The following CHST12 variants were observed in gnomAD, a reference collection of about 807,000 sequenced individuals.
The protein encoded by CHST12 is carbohydrate (chondroitin 4) sulfotransferase 12.
Under a neutral mutation model 27.9 loss-of-function variants are expected in CHST12, and 23 were observed. The ratio of observed to expected loss-of-function variants is 0.82; its 90% CI spans 0.59 to 1.17. CHST12 has a LOEUF of 1.17. Ranked by LOEUF, CHST12 falls within the 50% of genes most tolerant of loss-of-function variation. The pLI, the probability that CHST12 is intolerant of heterozygous loss-of-function variation, is 0.00. For synonymous variants in CHST12, 322 were observed against 273.0 expected, an observed-to-expected ratio of 1.18 and a Z score of -1.77; for missense variants, 682 against 603.0, an observed-to-expected ratio of 1.13 and a Z score of -1.37.
At chr7:2,419,583 T>C (rs1781910565) in intron 1 of CHST12, among the ~76,000 whole-genome samples, 1 of 151,622 alleles carries the variant, frequency 6.6e-6, no homozygotes, top group Non-Finnish European at 1.5e-5. Flanking sequence ...GGTGGGAGCC[T>C]GTAATCCCAG....
Position 2,433,400 on chromosome 7 carries a change from C to A in CHST12, c.761C>A (p.Ala254Asp). 1 of 1,609,672 alleles carries A rather than the reference C, an allele frequency of 6.2e-7. No individual in the cohort carries two copies. Among genetic ancestry groups the A allele is most frequent in the Non-Finnish European group, 8.5e-7 (1 of 1,179,920 alleles). The change falls in exon 2 of 2, where the codon GCC becomes GAC. Residue 254 changes from alanine (A) to aspartate (D), a missense_variant. Coordinates refer to ENST00000618655, the MANE Select transcript of CHST12 (RefSeq NM_018641.5). This position sits in a 1 kb window ranked among gnomAD's most constrained non-coding sequence, Gnocchi z 6.1. ...VRDPFVRLIS[A>D]FRSKFELENE... ...GACCCCTTCGTGCGCCTGATCTCCG[C>A]CTTCCGCAGCAAGTTCGAGCTGGAG...
intron 1 of CHST12, among the ~76,000 whole-genome samples, chr7:2,415,705 C>T (rs187057512): frequency 0.039 from 5,989 of 151,910 alleles, 130 homozygotes; most frequent in Middle Eastern, 0.12. Context: ...CTCCGCCTCC[C>T]GGGTTCACGC....
intron 1 of CHST12, among the ~76,000 whole-genome samples, chr7:2,429,617 A>C (rs1403381120): frequency 1.3e-5 from 2 of 152,198 alleles, no homozygotes; most frequent in Non-Finnish European, 2.9e-5. Context: ...GTGGTTGTCA[A>C]GGAATTGGTC....
rs755246928 is a variant in CHST12 at position 2,439,255 on chromosome 7, C to A, written c.*5371C>A. 2 of 152,108 alleles carry A rather than the reference C, an allele frequency of 1.3e-5. No individual in the cohort carries two copies. Among genetic ancestry groups the A allele is most frequent in the African/African-American group, 4.8e-5 (2 of 41,414 alleles). 9.4% of individuals were successfully genotyped at this position (152,108 alleles called of 1,614,324 possible). A position where few individuals can be genotyped will look rare whatever the true frequency, so the allele number is the denominator to read the frequency against. ...TGACCTGAGGATGCAGGGCACTGTT[C>A]ACGTGGACATGAGCCGTTTCTTAGC... On this transcript the variant is annotated 3_prime_UTR_variant, in exon 2 of 2. Coordinates refer to ENST00000618655, the MANE Select transcript of CHST12 (RefSeq NM_018641.5).
At chr7:2,428,992 T>C (rs1044676738) in intron 1 of CHST12, among the ~76,000 whole-genome samples, 6 of 152,196 alleles carry the variant, frequency 3.9e-5, no homozygotes, top group Admixed American at 1.3e-4. Context: ...CGTCCGTTTG[T>C]AGGCTCTCCA....
rs915161275 is a variant in CHST12 at position 2,432,121 on chromosome 7, G to A, written c.-77-442G>A. ...CGGGCCACTGCACTCCAGCCTGGGC[G>A]ACAGAGCGAGACTCCATATCAAAAA... On this transcript the variant is annotated intron_variant, in intron 1 of 1. Coordinates refer to ENST00000618655, the MANE Select transcript of CHST12 (RefSeq NM_018641.5). 8.0e-5 allele frequency among the ~76,000 whole-genome samples: 9 copies of A among 112,758 alleles called. No individual in the cohort carries two copies. In the Middle Eastern group the frequency reaches 0.041, roughly 513 times the overall value. 74.0% of individuals were successfully genotyped at this position (112,758 alleles called of 152,430 possible).
intron 1 of CHST12, among the ~76,000 whole-genome samples, chr7:2,420,321 C>T (rs1340048161): frequency 6.6e-6 from 1 of 152,126 alleles, no homozygotes; most frequent in East Asian, 1.9e-4. Context: ...ATAATGTCTT[C>T]AGGGTTCATC....
rs1055822029 is a variant in CHST12 at position 2,434,285 on chromosome 7, C to T, written c.*401C>T. On this transcript the variant is annotated 3_prime_UTR_variant, in exon 2 of 2. Coordinates refer to ENST00000618655, the MANE Select transcript of CHST12 (RefSeq NM_018641.5). ...CACCTGTCTGTTTTTGGAAGGGTAG[C>T]CGACAAATCCTTCCAGAGGGAAAGT... 1.1e-5 allele frequency: 2 copies of T among 177,386 alleles called. No individual in the cohort carries two copies. The highest frequency in any genetic ancestry group is 1.3e-5 in the Non-Finnish European group (1 of 74,646). The allele number at this position is 177,386 out of a possible 1,614,324, so 11.0% of individuals were successfully genotyped here.
At chr7:2,411,302 G>T (rs1331480059) in intron 1 of CHST12, among the ~76,000 whole-genome samples, 1 of 151,972 alleles carries the variant, frequency 6.6e-6, no homozygotes, top group Non-Finnish European at 1.5e-5. Context: ...AGCTGATCTT[G>T]AACTCCTGGT....
intron 1 of CHST12, 66 bp from the exon 2 acceptor site, chr7:2,432,497 T>C: frequency 3.1e-6 from 3 of 966,220 alleles, no homozygotes; most frequent in Non-Finnish European, 4.5e-6. Flanking sequence ...CCCCCACTGA[T>C]CAGAAGGCAG....
At chr7:2,421,219 T>C (rs1781964060) in intron 1 of CHST12, among the ~76,000 whole-genome samples, 1 of 140,874 alleles carries the variant, frequency 7.1e-6, no homozygotes, top group African/African-American at 2.6e-5. Flanking sequence ...CACCATGTCC[T>C]GCTAATTCTT....
intron 1 of CHST12, among the ~76,000 whole-genome samples, chr7:2,418,381 G>A (rs1424987731): frequency 1.3e-5 from 2 of 152,206 alleles, no homozygotes; most frequent in African/African-American, 4.8e-5. Flanking sequence ...GTTTCCTGGC[G>A]GATGATGCTT....
rs970628814 is a variant in CHST12 at position 2,437,050 on chromosome 7, C to A, written c.*3166C>A. ...TGCGCAGCACCACACTGCGTAGAGA[C>A]CTTTGGCTCTGGTTTTTTCTTTTTC... On this transcript the variant is annotated 3_prime_UTR_variant, in exon 2 of 2. Transcript: ENST00000618655. 2.0e-5 allele frequency: 3 copies of A among 152,238 alleles called. No individual in the cohort carries two copies. The highest frequency in any genetic ancestry group is 2.1e-4 in the South Asian group (1 of 4,836). The allele number at this position is 152,238 out of a possible 1,614,324, so 9.4% of individuals were successfully genotyped here.
At chr7:2,417,612 ACTC>A (rs1223658196) in intron 1 of CHST12, among the ~76,000 whole-genome samples, 4 of 151,444 alleles carry the variant, frequency 2.6e-5, no homozygotes, top group African/African-American at 7.3e-5. Flanking sequence ...CTAGTCTCGA[ACTC>A]CTGACCTCAA....
chr7:2,440,058 TGAA>T lies in CHST12; in HGVS notation c.*6178_*6180del, dbSNP rs1782564675. 1 of 152,086 alleles carries T rather than the reference TGAA, an allele frequency of 6.6e-6. No homozygotes were observed. The highest frequency in any genetic ancestry group is 2.4e-5 in the African/African-American group (1 of 41,410). The allele number at this position is 152,086 out of a possible 1,614,324, so 9.4% of individuals were successfully genotyped here. ...AGTGCATCTCTGATGGGGAGGCTAA[TGAA>T]GAAAGGACACCTGGTTTGAAGGCTT... On this transcript the variant is annotated 3_prime_UTR_variant, in exon 2 of 2. Coordinates refer to ENST00000618655, the MANE Select transcript of CHST12 (RefSeq NM_018641.5).
At position 2,435,811 on chromosome 7, in the gene CHST12, T is replaced by TTTTTG. The variant is rs1482941033; in HGVS notation, c.*1942_*1946dup. 2 of 152,392 alleles carry TTTTTG rather than the reference T, an allele frequency of 1.3e-5. No homozygotes were observed. The highest frequency in any genetic ancestry group is 1.5e-5 in the Non-Finnish European group (1 of 68,198). 9.4% of individuals were successfully genotyped at this position (152,392 alleles called of 1,614,324 possible). On this transcript the variant is annotated 3_prime_UTR_variant, in exon 2 of 2. Coordinates refer to ENST00000618655, the MANE Select transcript of CHST12 (RefSeq NM_018641.5). ...CTTTCTGAAGCTTCGCTTTCTTTTA[T>TTTTTG]TTTTGTTTTGTTTTGTTTTTGGAGA...
chr7:2,432,058 C>G (rs748408703), intron 1 of CHST12, among the ~76,000 whole-genome samples: 1 of 139,576 alleles, frequency 7.2e-6, no homozygotes, highest in Non-Finnish European at 1.5e-5. Flanking sequence ...AGGAGAATGG[C>G]GTGAACCTGG....
Position 2,434,087 on chromosome 7 carries a change from T to G in CHST12, c.*203T>G. 2.2e-6 allele frequency: 1 copy of G among 457,576 alleles called. No individual in the cohort carries two copies. The highest frequency in any genetic ancestry group is 3.6e-5 in the East Asian group (1 of 27,730). The allele number at this position is 457,576 out of a possible 1,614,324, so 28.3% of individuals were successfully genotyped here. On this transcript the variant is annotated 3_prime_UTR_variant, in exon 2 of 2. Coordinates refer to ENST00000618655, the MANE Select transcript of CHST12 (RefSeq NM_018641.5). ...TGTGGAAGGGAATGCTGGAGTAAAA[T>G]ATCCCCTCTCCCCTCCGCCCGCCCA...
intron 1 of CHST12, among the ~76,000 whole-genome samples, chr7:2,427,324 C>A (rs1782149509): frequency 1.3e-5 from 2 of 152,012 alleles, no homozygotes; most frequent in Non-Finnish European, 2.9e-5. Flanking sequence ...CATGGTGAGA[C>A]CACAACTCTA....
Sources: gnomAD v4.1 joint callset for allele counts (sites outside exome capture counted in the v4.1 genomes callset) on GRCh38, gnomAD v4.1.1 for gene constraint, Gnocchi (gnomAD v3.1) non-coding constraint, MANE v1.5 for transcripts, NCBI Gene and HGNC (gene_info 2026-07-23, HGNC 2026-07-21) for gene names.